Variants in RNF6 observed in about 807,000 individuals in gnomAD.
The protein encoded by RNF6 is ring finger protein 6, also known as E3 ubiquitin-protein ligase RNF6.
A neutral mutation model predicts 50.1 loss-of-function variants in RNF6; 21 were observed. The observed-to-expected ratio is 0.42, with a 90% CI of 0.30 to 0.60. The LOEUF is 0.60. RNF6 is among the 20% of genes least tolerant of loss of function. The pLI is 0.20. For synonymous variants in RNF6, 255 were observed against 291.8 expected (o/e 0.87, Z 1.29); for missense variants, 698 against 838.2 (o/e 0.83, Z 2.07).
At chr13:26,203,847 A>G (rs1868988060) in intron 5 of RNF6, among the ~76,000 whole-genome samples, 1 of 152,198 alleles carries the variant, frequency 6.6e-6, no homozygotes, top group Non-Finnish European at 1.5e-5. Context: ...CTGTAGTCCC[A>G]GCTACTGAGG....
At chr13:26,145,437 C>G (rs968260128) in intron 5 of RNF6, among the ~76,000 whole-genome samples, 1 of 89,484 alleles carries the variant, frequency 1.1e-5, no homozygotes, top group Admixed American at 1.2e-4. Context: ...TAGGAGGTGA[C>G]TGAATCATGG....
At chr13:26,138,469 A>AT (rs941116099) in intron 5 of RNF6, among the ~76,000 whole-genome samples, 7 of 152,128 alleles carry the variant, frequency 4.6e-5, no homozygotes, top group East Asian at 3.8e-4. Context: ...AGTTATATAT[A>AT]TTTTTTTCTT....
chr13:26,188,693 G>C (rs1021985982), intron 5 of RNF6, among the ~76,000 whole-genome samples: 2 of 126,444 alleles, frequency 1.6e-5, no homozygotes, highest in Non-Finnish European at 3.2e-5. Flanking sequence ...GGAGTGGCAT[G>C]ATCTCGGCTC....
intron 5 of RNF6, among the ~76,000 whole-genome samples, chr13:26,133,350 G>A (rs1347399229): frequency 2.6e-5 from 4 of 152,232 alleles, no homozygotes; most frequent in East Asian, 1.9e-4. Context: ...TGGTTGGCTC[G>A]GCTTGTTGAA....
chr13:26,152,067 T>C (rs17083319), intron 5 of RNF6, among the ~76,000 whole-genome samples: 5,945 of 152,312 alleles, frequency 0.039, 166 homozygotes, highest in African/African-American at 0.075. Flanking sequence ...TGGCCTCGGC[T>C]AACACCTTGA....
chr13:26,220,487 G>A (rs1001140915), intron 2 of RNF6, among the ~76,000 whole-genome samples: 3 of 152,172 alleles, frequency 2.0e-5, no homozygotes, highest in Non-Finnish European at 2.9e-5. Context: ...TGGAAATCAA[G>A]AGAGAAAGAT....
intron 5 of RNF6, among the ~76,000 whole-genome samples, chr13:26,152,439 C>T (rs1378417412): frequency 6.6e-6 from 1 of 152,196 alleles, no homozygotes; most frequent in East Asian, 1.9e-4. Flanking sequence ...TTTTTCTAAA[C>T]CACCCACCCC....
downstream of RNF6, among the ~76,000 whole-genome samples, chr13:26,208,588 G>A (rs924927371): frequency 4.6e-5 from 7 of 152,168 alleles, no homozygotes; most frequent in African/African-American, 1.7e-4. Context: ...AGATTCCTAT[G>A]AGATCTTTTA....
At chr13:26,210,055 C>T (rs1206578505), downstream of RNF6, among the ~76,000 whole-genome samples, 2 of 152,124 alleles carry the variant, frequency 1.3e-5, no homozygotes, top group Admixed American at 6.5e-5. Context: ...GAAAATAACT[C>T]GCAATCTGTC....
rs1870459220 is a variant in RNF6 at position 26,221,282 on chromosome 13, C to T, written c.-53G>A. 1 of 152,162 alleles carries T rather than the reference C, an allele frequency of 6.6e-6. No individual in the cohort carries two copies. Among genetic ancestry groups the T allele is most frequent in the African/African-American group, 2.4e-5 (1 of 41,438 alleles). 9.4% of individuals were successfully genotyped at this position (152,162 alleles called of 1,614,324 possible). On this transcript the variant is annotated 5_prime_UTR_variant, in exon 2 of 5. The change abolishes an upstream ATG in the 5' untranslated region. Coordinates refer to ENST00000381588, the MANE Select transcript of RNF6 (RefSeq NM_005977.4). The stretch of plus-strand genomic sequence containing the variant: ...CTTTCAACACGCTTTTAACATATGC[C>T]ATGGTATCCATCCTTCAATTGTTTG...
chr13:26,166,010 T>C (rs914460365), intron 5 of RNF6, among the ~76,000 whole-genome samples: 2 of 152,174 alleles, frequency 1.3e-5, no homozygotes. Flanking sequence ...ATGGTTTGGC[T>C]GTGTCCCCAC....
intron 5 of RNF6, among the ~76,000 whole-genome samples, chr13:26,194,987 T>C (rs910664847): frequency 2.6e-5 from 4 of 152,182 alleles, no homozygotes; most frequent in African/African-American, 9.7e-5. Context: ...GTACCTAGGA[T>C]CAATGCTTTG....
At chr13:26,145,721 G>C (rs1197274029) in intron 5 of RNF6, among the ~76,000 whole-genome samples, 2 of 152,194 alleles carry the variant, frequency 1.3e-5, no homozygotes, top group African/African-American at 4.8e-5. Context: ...CTCTATACCA[G>C]TGTGAGAACA....
At chr13:26,201,687 TA>T (rs1286205989) in intron 5 of RNF6, among the ~76,000 whole-genome samples, 1 of 152,190 alleles carries the variant, frequency 6.6e-6, no homozygotes, top group Non-Finnish European at 1.5e-5. Flanking sequence ...GAGCATGGAT[TA>T]AATGCATACA....
chr13:26,217,549 C>A (rs932350056), intron 4 of RNF6, among the ~76,000 whole-genome samples: 3 of 152,198 alleles, frequency 2.0e-5, no homozygotes, highest in Non-Finnish European at 4.4e-5. Context: ...TCCTTCCTAC[C>A]AGCTAGAACC....
chr13:26,150,448 T>TTTA (rs1286900992), intron 5 of RNF6, among the ~76,000 whole-genome samples: 1 of 152,060 alleles, frequency 6.6e-6, no homozygotes, highest in Admixed American at 6.6e-5. Flanking sequence ...ACAGAAAACA[T>TTTA]GATTAAATAC....
intron 5 of RNF6, among the ~76,000 whole-genome samples, chr13:26,185,439 A>ATT (rs202198947): frequency 2.6e-5 from 4 of 152,012 alleles, no homozygotes; most frequent in African/African-American, 9.7e-5. Context: ...TTTGAAGTGC[A>ATT]TTTTTTTTAA....
chr13:26,156,293 T>C (rs565679805), intron 5 of RNF6, among the ~76,000 whole-genome samples: 2 of 152,236 alleles, frequency 1.3e-5, no homozygotes, highest in South Asian at 4.2e-4. Flanking sequence ...CTTGTAAAGA[T>C]TAAGGGGACG....
chr13:26,206,711 GTAACTATA>G, intron 5 of RNF6, among the ~76,000 whole-genome samples: 1 of 152,078 alleles, frequency 6.6e-6, no homozygotes, highest in South Asian at 2.1e-4. Context: ...AAGCCAGGCT[GTAACTATA>G]TACTGAAACT....
Sources: allele counts gnomAD v4.1 joint callset (sites outside exome capture counted in the v4.1 genomes callset), GRCh38; gene constraint gnomAD v4.1.1; transcripts MANE v1.5; gene names NCBI Gene and HGNC (gene_info 2026-07-23, HGNC 2026-07-21).